The following ZNF487 variants were observed in gnomAD, a reference collection of about 807,000 sequenced individuals.
The protein encoded by ZNF487 is KRAB domain only 1.
ZNF487 carries 4 observed loss-of-function variants against 3.0 expected under a neutral mutation model. The ratio of observed to expected loss-of-function variants is 1.35; its 90% CI spans 0.66 to 3.08. The LOEUF is 3.08. ZNF487 is among the 30% of genes most tolerant of loss of function. ZNF487 has a pLI of 0.01. For missense variants in ZNF487, 146 were observed against 98.7 expected (o/e 1.48, Z -2.03); for synonymous variants, 55 against 34.6 (o/e 1.59, Z -2.06).
chr10:43,466,218 A>G (rs1315311488), intron 1 of ZNF487, among the ~76,000 whole-genome samples: 5 of 150,638 alleles, frequency 3.3e-5, no homozygotes, highest in Non-Finnish European at 5.9e-5. Context: ...GCTTGTTTGT[A>G]TTTTTAGTAG....
the ZNF487 span, among the ~76,000 whole-genome samples, chr10:43,506,353 T>C: frequency 1.3e-4 from 19 of 151,686 alleles, no homozygotes; most frequent in South Asian, 4.2e-4. Context: ...GTACAAAAAA[T>C]TGAAAAATTA....
At chr10:43,512,402 C>A in the ZNF487 span, among the ~76,000 whole-genome samples, 2 of 152,120 alleles carry the variant, frequency 1.3e-5, no homozygotes, top group Admixed American at 1.3e-4. Flanking sequence ...TGCGCATGAC[C>A]CACTTTATGG....
At chr10:43,465,169 G>A (rs1354941692) in intron 1 of ZNF487, among the ~76,000 whole-genome samples, 1 of 150,400 alleles carries the variant, frequency 6.6e-6, no homozygotes, top group African/African-American at 2.4e-5. Flanking sequence ...CTCCCGGAAG[G>A]GGCGGCTGGC....
At chr10:43,476,038 T>A (rs1841088432) in intron 2 of ZNF487, 69 bp from the exon 3 acceptor site, 1 of 702,338 alleles carries the variant, frequency 1.4e-6, no homozygotes, top group African/African-American at 1.8e-5. Context: ...GTGGACCTAT[T>A]TTTGTGCAGG....
downstream of ZNF487, among the ~76,000 whole-genome samples, chr10:43,483,937 C>T (rs929347732): frequency 9.9e-5 from 15 of 152,210 alleles, no homozygotes; most frequent in East Asian, 1.9e-4. Flanking sequence ...CTGCAACGTC[C>T]GCCTCCCTGC....
chr10:43,481,497 G>A lies in ZNF487; in HGVS notation c.199G>A (p.Asp67Asn), dbSNP rs1564429780. ...ENQDQHLQKV[D>N]FVNNKTLTMD... ...TCAAGACCAGCATTTGCAGAAAGTTGATTTTGTCAACAATAAAACACTGAC... is the reference window on the plus strand; with the variant it reads ...TCAAGACCAGCATTTGCAGAAAGTTAATTTTGTCAACAATAAAACACTGAC... The change falls in exon 4 of 4, where the codon GAT becomes AAT. Residue 67 changes from aspartate (D) to asparagine (N), a missense_variant. Physicochemically the swap from Asp to Asn is conservative, Grantham distance 23. Transcript: ENST00000437590. 2.8e-6 allele frequency: 2 copies of A among 717,070 alleles called. No homozygotes were observed. The highest frequency in any genetic ancestry group is 5.2e-6 in the Non-Finnish European group (2 of 385,026). The allele number at this position is 717,070 out of a possible 1,614,324, so 44.4% of individuals were successfully genotyped here. A position where few individuals can be genotyped will look rare whatever the true frequency, so the allele number is the denominator to read the frequency against.
At chr10:43,449,112 G>C (rs1425219844) in intron 1 of ZNF487, among the ~76,000 whole-genome samples, 2 of 151,976 alleles carry the variant, frequency 1.3e-5, no homozygotes, top group Non-Finnish European at 2.9e-5. Flanking sequence ...CAGCCTGGGG[G>C]ACATGGTGAA....
intron 3 of ZNF487, among the ~76,000 whole-genome samples, chr10:43,477,551 CAT>C (rs930153504): frequency 9.9e-5 from 15 of 150,966 alleles, no homozygotes; most frequent in African/African-American, 3.7e-4. Flanking sequence ...TAAATGGTAA[CAT>C]GTAATGAGTA....
intron 1 of ZNF487, among the ~76,000 whole-genome samples, chr10:43,460,484 T>C (rs913731063): frequency 2.7e-5 from 4 of 149,520 alleles, no homozygotes; most frequent in Non-Finnish European, 5.9e-5. Context: ...CAAGCGATTC[T>C]CATACCTCAG....
chr10:43,482,580 G>T lies in ZNF487; in HGVS notation c.*658G>T. The T allele has an allele frequency of 2.0e-6, 1 of 509,482 alleles. No homozygotes were observed. The highest frequency in any genetic ancestry group is 5.7e-5 in the East Asian group (1 of 17,552). 31.6% of individuals were successfully genotyped at this position (509,482 alleles called of 1,614,324 possible). On this transcript the variant is annotated 3_prime_UTR_variant, in exon 4 of 4. Coordinates refer to ENST00000437590, the MANE Select transcript of ZNF487 (RefSeq NM_001355444.3). Reference sequence around the variant, plus strand: ...AACACACACAGGAGAGAAACCCTATGGATGTAATGAATGTCAGAAAGCCTT... The same window carrying T: ...AACACACACAGGAGAGAAACCCTATTGATGTAATGAATGTCAGAAAGCCTT...
chr10:43,487,571 T>G (rs1201176481), downstream of ZNF487, among the ~76,000 whole-genome samples: 4 of 151,654 alleles, frequency 2.6e-5, no homozygotes, highest in African/African-American at 9.7e-5. Context: ...TGCCTCAGCC[T>G]TCGGAGTAGC....
At chr10:43,518,759 T>C in the ZNF487 span, among the ~76,000 whole-genome samples, 1 of 152,172 alleles carries the variant, frequency 6.6e-6, no homozygotes, top group Non-Finnish European at 1.5e-5. Flanking sequence ...GGACCTTCTG[T>C]TCTCTCTTAC....
chr10:43,519,694 C>T, the ZNF487 span, among the ~76,000 whole-genome samples: 1 of 152,170 alleles, frequency 6.6e-6, no homozygotes, highest in African/African-American at 2.4e-5. Context: ...TCTCGAACAC[C>T]TGACCTTGTG....
intron 1 of ZNF487, among the ~76,000 whole-genome samples, chr10:43,441,260 C>A (rs1321500345): frequency 6.6e-6 from 1 of 150,930 alleles, no homozygotes; most frequent in Non-Finnish European, 1.5e-5. Flanking sequence ...AGCCACTGCA[C>A]CAGACCGCTT....
the ZNF487 span, among the ~76,000 whole-genome samples, chr10:43,521,942 G>C: frequency 6.6e-6 from 1 of 151,866 alleles, no homozygotes; most frequent in Non-Finnish European, 1.5e-5. Flanking sequence ...TGAGGTACAA[G>C]ACTGTTTATG....
At chr10:43,456,790 A>C (rs1739329308) in intron 1 of ZNF487, among the ~76,000 whole-genome samples, 1 of 152,092 alleles carries the variant, frequency 6.6e-6, no homozygotes, top group African/African-American at 2.4e-5. Flanking sequence ...CATGTTGGCC[A>C]GGCTGGTCTT....
chr10:43,509,458 CATATATATAT>C, the ZNF487 span, among the ~76,000 whole-genome samples: 12 of 135,278 alleles, frequency 8.9e-5, no homozygotes, highest in African/African-American at 3.4e-4. Flanking sequence ...ACTAATGGAA[CATATATATAT>C]ATATATATAT....
chr10:43,516,369 T>C, the ZNF487 span, among the ~76,000 whole-genome samples: 1 of 152,200 alleles, frequency 6.6e-6, no homozygotes, highest in Non-Finnish European at 1.5e-5. Context: ...CCAAAACCAA[T>C]GAAAGACCTT....
chr10:43,474,395 G>A (rs544373736), intron 1 of ZNF487, among the ~76,000 whole-genome samples: 5 of 149,412 alleles, frequency 3.3e-5, no homozygotes, highest in South Asian at 2.1e-4. Flanking sequence ...TGGAGGTTGC[G>A]GTGAGCTGAG....
Sources: gnomAD v4.1 joint callset for allele counts (sites outside exome capture counted in the v4.1 genomes callset) on GRCh38, gnomAD v4.1.1 for gene constraint, MANE v1.5 for transcripts, NCBI Gene and HGNC (gene_info 2026-07-23, HGNC 2026-07-21) for gene names.